The following PCDHA10 variants were observed in gnomAD, a reference collection of about 807,000 sequenced individuals.
The protein encoded by PCDHA10 is protocadherin alpha-10.
In PCDHA10, 45 loss-of-function variants were observed where a neutral mutation model predicts 61.2. The ratio of observed to expected loss-of-function variants is 0.74; its 90% CI spans 0.58 to 0.94. The LOEUF (loss-of-function observed/expected upper bound fraction) is 0.94. Ranked by LOEUF, PCDHA10 falls within the 40% of genes least tolerant of loss-of-function variation. The pLI is 0.00. For synonymous variants in PCDHA10, 602 were observed against 548.8 expected (o/e 1.10, Z -1.35); for missense variants, 1,278 against 1,236.2 (o/e 1.03, Z -0.51).
chr5:140,887,803 C>T (rs2061589449), intron 1 of PCDHA10, among the ~76,000 whole-genome samples: 2 of 152,050 alleles, frequency 1.3e-5, no homozygotes, highest in Admixed American at 1.3e-4. Flanking sequence ...TTATTTTTGT[C>T]CATTTCTTTC....
At chr5:140,926,752 C>G in intron 1 of PCDHA10, 2 of 1,254,462 alleles carry the variant, frequency 1.6e-6, no homozygotes, top group East Asian at 5.7e-5. Flanking sequence ...CGTCGGCGGT[C>G]GCTGAGTATC....
chr5:140,925,782 A>T (rs567008166), intron 1 of PCDHA10, among the ~76,000 whole-genome samples: 10 of 152,174 alleles, frequency 6.6e-5, no homozygotes, highest in Admixed American at 4.6e-4. Context: ...AACTCTAATG[A>T]GTATCTCAGT....
chr5:140,886,827 GAAA>G (rs782016620), intron 1 of PCDHA10, among the ~76,000 whole-genome samples: 1 of 60,882 alleles, frequency 1.6e-5, no homozygotes. Flanking sequence ...ACTTCGTCTT[GAAA>G]AAAAAAAAAA....
At chr5:140,890,237 A>G (rs1554184228) in intron 1 of PCDHA10, among the ~76,000 whole-genome samples, 1 of 152,154 alleles carries the variant, frequency 6.6e-6, no homozygotes, top group East Asian at 1.9e-4. Flanking sequence ...TTAAGCATTT[A>G]CCAGTACACT....
At chr5:140,962,170 C>T (rs1326323755) in intron 1 of PCDHA10, among the ~76,000 whole-genome samples, 6 of 152,194 alleles carry the variant, frequency 3.9e-5, no homozygotes, top group South Asian at 4.1e-4. Context: ...CCACCACACC[C>T]GGCCACTTAT....
chr5:140,876,807 G>A (rs782408048), intron 1 of PCDHA10: 1 of 1,614,234 alleles, frequency 6.2e-7, no homozygotes, highest in South Asian at 1.1e-5. Context: ...CCGTGGAGGT[G>A]GCCGACGTGA....
chr5:140,968,272 A>G (rs369285531), intron 1 of PCDHA10: 1 of 1,613,936 alleles, frequency 6.2e-7, no homozygotes, highest in African/African-American at 1.3e-5. Context: ...AGGAGAATGC[A>G]GAGGTGACCT....
intron 1 of PCDHA10, among the ~76,000 whole-genome samples, chr5:140,939,994 G>A (rs2092519687): frequency 6.6e-6 from 1 of 151,998 alleles, no homozygotes; most frequent in African/African-American, 2.4e-5. Flanking sequence ...TTTCTCCTTG[G>A]ATTTTGTCAA....
chr5:140,881,459 A>G (rs1172310253), intron 1 of PCDHA10: 2 of 672,234 alleles, frequency 3.0e-6, no homozygotes, highest in Non-Finnish European at 3.7e-6. Flanking sequence ...AAAACCTTAG[A>G]GCATTGTTGT....
intron 3 of PCDHA10, 171 bp from the exon 4 acceptor site, chr5:141,009,456 C>CAAAT: frequency 3.2e-6 from 3 of 947,762 alleles, no homozygotes; most frequent in Non-Finnish European, 2.5e-6. Flanking sequence ...AAAAATTAAA[C>CAAAT]AAATAAATAA....
chr5:140,968,422 G>C, intron 1 of PCDHA10: 2 of 1,613,984 alleles, frequency 1.2e-6, no homozygotes, highest in Non-Finnish European at 1.7e-6. Context: ...TGGAGGCTCA[G>C]GACAAGGGGA....
chr5:140,961,504 G>T (rs2095618659), intron 1 of PCDHA10, among the ~76,000 whole-genome samples: 1 of 152,112 alleles, frequency 6.6e-6, no homozygotes, highest in African/African-American at 2.4e-5. Flanking sequence ...GGGAGACTTT[G>T]TTTAATGTCT....
In PCDHA10 at chr5:140,928,306, C is replaced by T. The variant is rs782598364; in HGVS notation, c.2389-50643C>T. 7.6e-5 allele frequency: 122 copies of T among 1,613,984 alleles called. No individual in the cohort carries two copies. The highest frequency in any genetic ancestry group is 1.8e-4 in the Admixed American group (11 of 60,002). ...TCTAGGCCGAGTGTTTGCCCAGGAC[C>T]CCGACCTGGGGAAGAATGGCCTTGT... is the stretch of plus-strand genomic sequence containing the variant. On this transcript the variant is annotated intron_variant, in intron 1 of 3. Coordinates refer to ENST00000307360, the MANE Select transcript of PCDHA10 (RefSeq NM_018901.4).
intron 3 of PCDHA10, among the ~76,000 whole-genome samples, chr5:140,999,125 G>C (rs1554256627): frequency 6.6e-6 from 1 of 152,152 alleles, no homozygotes; most frequent in South Asian, 2.1e-4. Context: ...TTCTAAGCTG[G>C]AAAATGTCAC....
chr5:140,935,995 C>G (rs1282709145), intron 1 of PCDHA10, among the ~76,000 whole-genome samples: 1 of 150,774 alleles, frequency 6.6e-6, no homozygotes, highest in African/African-American at 2.4e-5. Context: ...CGGGTTCAAG[C>G]GATTCTCCCA....
In PCDHA10 at chr5:140,882,320, C is replaced by T. The variant is rs374687530; in HGVS notation, c.2388+23884C>T. The T allele has an allele frequency of 2.8e-5, 45 of 1,614,182 alleles. No homozygotes were observed. The African/African-American group carries it at 5.6e-4, about 20-fold the overall frequency. On this transcript the variant is annotated intron_variant, in intron 1 of 3. Coordinates refer to ENST00000307360, the MANE Select transcript of PCDHA10 (RefSeq NM_018901.4). ...AAGACCGCGGCAACTACTGCTCTGG[C>T]TTCTGATCCTCGCAGCCTGGGAGAC... is the stretch of plus-strand genomic sequence containing the variant.
chr5:140,883,091 G>T, intron 1 of PCDHA10: 1 of 1,614,112 alleles, frequency 6.2e-7, no homozygotes, highest in Non-Finnish European at 8.5e-7. Context: ...TGGTACAAAT[G>T]GAGATATAGT....
intron 3 of PCDHA10, among the ~76,000 whole-genome samples, chr5:140,994,479 G>A (rs1229761223): frequency 1.3e-5 from 2 of 152,094 alleles, no homozygotes; most frequent in African/African-American, 4.8e-5. Context: ...GAGGCGGGTG[G>A]ATTGCCTGAA....
chr5:140,928,540 G>T lies in PCDHA10; in HGVS notation c.2389-50409G>T, dbSNP rs1554205973. 4 of 1,614,094 alleles carry T rather than the reference G, an allele frequency of 2.5e-6. No homozygotes were observed. In the Admixed American group the frequency reaches 5.0e-5, roughly 20 times the overall value. On this transcript the variant is annotated intron_variant, in intron 1 of 3. Coordinates refer to ENST00000307360, the MANE Select transcript of PCDHA10 (RefSeq NM_018901.4). The stretch of plus-strand genomic sequence containing the variant: ...AAACTTGTTTGTGGTAGATAGGAAT[G>T]ACAATTATCCGGTTATCTTGTTTCC...
Sources: gnomAD v4.1 joint callset for allele counts (sites outside exome capture counted in the v4.1 genomes callset) on GRCh38, gnomAD v4.1.1 for gene constraint, MANE v1.5 for transcripts, NCBI Gene and HGNC (gene_info 2026-07-23, HGNC 2026-07-21) for gene names.